HPS4: variants seen among roughly 807,000 people sequenced by gnomAD.
The protein encoded by HPS4 is BLOC-3 complex member HPS4.
Under a neutral mutation model 70.3 loss-of-function variants are expected in HPS4, and 44 were observed. The ratio of observed to expected loss-of-function variants is 0.63; its 90% confidence interval spans 0.49 to 0.80. The LOEUF (loss-of-function observed/expected upper bound fraction) is 0.80, where lower values mean the gene tolerates loss of function less well. Ranked by LOEUF, HPS4 falls within the 30% of genes least tolerant of loss-of-function variation. HPS4 has a pLI of 0.00. For missense variants in HPS4, 873 were observed against 884.4 expected (o/e 0.99, Z 0.16); for synonymous variants, 377 against 355.9 (o/e 1.06, Z -0.67).
intron 3 of HPS4, among the ~76,000 whole-genome samples, chr22:26,445,553 G>A (rs2012729): frequency 0.12 from 18,919 of 152,178 alleles, 1,658 homozygotes; most frequent in South Asian, 0.37. Flanking sequence ...CAAGGACCCT[G>A]GCTTCAGAAA....
intron 13 of HPS4, among the ~76,000 whole-genome samples, chr22:26,456,484 C>A (rs1338800397): frequency 6.6e-6 from 1 of 152,166 alleles, no homozygotes; most frequent in Non-Finnish European, 1.5e-5. Flanking sequence ...CATGGTGAAA[C>A]CCTATCTCTA....
chr22:26,454,217 G>A (rs1402520745), intron 13 of HPS4, among the ~76,000 whole-genome samples: 6 of 152,218 alleles, frequency 3.9e-5, no homozygotes, highest in African/African-American at 1.4e-4. Context: ...CCAAGCTTCA[G>A]TGTCTCCTGC....
chr22:26,472,257 C>T (rs1334653661), intron 6 of HPS4, 45 bp downstream of exon 6: 1 of 1,122,980 alleles, frequency 8.9e-7, no homozygotes, highest in Non-Finnish European at 1.4e-6. Flanking sequence ...TATCCAGAAG[C>T]CCTAGTCTTA....
At chr22:26,446,443 G>A (rs1457715023), downstream of HPS4, among the ~76,000 whole-genome samples, 1 of 152,140 alleles carries the variant, frequency 6.6e-6, no homozygotes, top group Non-Finnish European at 1.5e-5. Flanking sequence ...GTGGCTGCAC[G>A]ATGCAGTCAC....
chr22:26,468,368 T>C (rs1438043985), intron 8 of HPS4, 183 bp downstream of exon 8: 2 of 641,316 alleles, frequency 3.1e-6, no homozygotes, highest in African/African-American at 3.7e-5. Flanking sequence ...GAAGAAAACA[T>C]TTTCTTTCAG....
intron 1 of HPS4, among the ~76,000 whole-genome samples, chr22:26,483,185 G>A (rs892225152): frequency 5.9e-5 from 9 of 152,208 alleles, no homozygotes; most frequent in African/African-American, 2.2e-4. Flanking sequence ...GGTGCCTGTG[G>A]AGGGGGTATC....
At chr22:26,447,950 C>T (rs5761530), downstream of HPS4, among the ~76,000 whole-genome samples, 131,691 of 152,244 alleles carry the variant, frequency 0.86, 57,559 homozygotes, top group Non-Finnish European at 0.93. Context: ...GTGCACCCTA[C>T]GAGGTTCCTT....
chr22:26,451,208 G>C lies in HPS4; in HGVS notation c.*2025C>G, dbSNP rs1035029671. On this transcript the variant is annotated 3_prime_UTR_variant, in exon 14 of 14. Transcript: ENST00000398145. ...AGAACATGCTGCTTGGCTGTCCGTC[G>C]CTTGGCCCGTACTCTGGGGGCGCTA... Among the ~76,000 whole-genome samples the C allele has an allele frequency of 9.9e-5, 15 of 152,186 alleles. No individual in the cohort carries two copies. Among genetic ancestry groups the C allele is most frequent in the Admixed American group, 9.2e-4 (14 of 15,276 alleles).
chr22:26,483,489 T>C (rs1190444665), intron 1 of HPS4, among the ~76,000 whole-genome samples, 185 bp downstream of exon 1: 1 of 152,190 alleles, frequency 6.6e-6, no homozygotes, highest in Non-Finnish European at 1.5e-5. Context: ...AGGAAGCTGC[T>C]GGGCGCAGCC....
downstream of HPS4, chr22:26,443,998 C>T (rs1448459979): frequency 6.6e-6 from 1 of 152,242 alleles, no homozygotes; most frequent in Non-Finnish European, 1.5e-5. Context: ...ATCCGCTTAC[C>T]TCACTGCCTA....
intron 6 of HPS4, 33 bp from the exon 7 acceptor site, chr22:26,470,846 T>A: frequency 6.2e-7 from 1 of 1,613,278 alleles, no homozygotes; most frequent in Non-Finnish European, 8.5e-7. Flanking sequence ...TGCCCACCCA[T>A]CAGCATGCTC....
At chr22:26,475,929 G>C (rs9613184) in intron 4 of HPS4, 1 of 152,146 alleles carries the variant, frequency 6.6e-6, no homozygotes, top group Non-Finnish European at 1.5e-5. Context: ...TGTGGTCCTA[G>C]CAACTCAGGA....
chr22:26,468,177 A>ACAGG, intron 8 of HPS4: 1 of 291,960 alleles, frequency 3.4e-6, no homozygotes, highest in Admixed American at 4.6e-5. Flanking sequence ...TGCTGGGATT[A>ACAGG]CAGGTGTGAA....
intron 9 of HPS4, 128 bp downstream of exon 9, chr22:26,466,098 C>T: frequency 1.5e-5 from 24 of 1,601,236 alleles, no homozygotes; most frequent in Non-Finnish European, 2.0e-5. Context: ...CCATAACATC[C>T]ATTTTCCTAT....
chr22:26,470,206 C>T (rs537527569), intron 7 of HPS4, among the ~76,000 whole-genome samples: 1 of 152,354 alleles, frequency 6.6e-6, no homozygotes, highest in African/African-American at 2.4e-5. Context: ...AAGAAGCCCT[C>T]CAACTACATG....
intron 12 of HPS4, 34 bp from the exon 13 acceptor site, chr22:26,458,001 GAC>G: frequency 6.5e-7 from 1 of 1,536,354 alleles, no homozygotes; most frequent in Non-Finnish European, 9.0e-7. Flanking sequence ...GTGAAGAGCA[GAC>G]AGTTACCTTC....
At chr22:26,462,993 G>C (rs537993516) in intron 11 of HPS4, among the ~76,000 whole-genome samples, 10 of 152,140 alleles carry the variant, frequency 6.6e-5, no homozygotes, top group Middle Eastern at 3.4e-3. Flanking sequence ...ATTTATGGAG[G>C]GTCACAAGCC....
chr22:26,483,751 C>G lies in HPS4; in HGVS notation c.-556G>C, dbSNP rs992304415. 1 of 524,852 alleles carries G rather than the reference C, an allele frequency of 1.9e-6. No homozygotes were observed. The highest frequency in any genetic ancestry group is 3.0e-6 in the Non-Finnish European group (1 of 334,056). The allele number at this position is 524,852 out of a possible 1,614,324, so 32.5% of individuals were successfully genotyped here. ...GTGGGCAGCAGCTGGGTACCTGCGACTTCTGCCCCGTACCTGCGCGCGCGG... is the reference window on the plus strand; with the variant it reads ...GTGGGCAGCAGCTGGGTACCTGCGAGTTCTGCCCCGTACCTGCGCGCGCGG... On this transcript the variant is annotated 5_prime_UTR_variant, in exon 1 of 14. Transcript: ENST00000398145.
intron 13 of HPS4, chr22:26,454,024 C>G (rs2085649267): frequency 6.5e-6 from 1 of 153,694 alleles, no homozygotes; most frequent in Non-Finnish European, 1.4e-5. Flanking sequence ...GCGGAGCCAC[C>G]TGGGAGGAGC....
Sources: allele counts gnomAD v4.1 joint callset (sites outside exome capture counted in the v4.1 genomes callset), GRCh38; gene constraint gnomAD v4.1.1; transcripts MANE v1.5; gene names NCBI Gene and HGNC (gene_info 2026-07-23, HGNC 2026-07-21).